SHLD1: variants seen among roughly 807,000 people sequenced by gnomAD.
SHLD1 encodes the protein shieldin complex subunit 1, also known as RINN1-REV7-interacting novel NHEJ regulator 3.
Under a neutral mutation model 5.5 loss-of-function variants are expected in SHLD1, and 3 were observed. The ratio of observed to expected loss-of-function variants is 0.54; its 90% CI spans 0.25 to 1.40. The LOEUF (loss-of-function observed/expected upper bound fraction) is 1.40. Among genes scored for constraint, SHLD1 ranks in the 40% most tolerant of loss-of-function variants. The pLI is 0.15. For missense variants in SHLD1, 210 were observed against 244.4 expected (o/e 0.86, Z 0.94); for synonymous variants, 92 against 94.3 (o/e 0.98, Z 0.14).
chr20:5,759,018 G>A (rs914766590), intron 1 of SHLD1, among the ~76,000 whole-genome samples: 40 of 143,120 alleles, frequency 2.8e-4, no homozygotes, highest in Non-Finnish European at 2.2e-4. Context: ...GCAATGGCGC[G>A]ATCTCTGCTC....
At chr20:5,858,137 C>G (rs2088114660) in intron 2 of SHLD1, among the ~76,000 whole-genome samples, 1 of 151,446 alleles carries the variant, frequency 6.6e-6, no homozygotes, top group East Asian at 1.9e-4. Flanking sequence ...TCTTTCAGCT[C>G]TGTAACCTCC....
At chr20:5,764,519 C>A (rs1443664295) in intron 1 of SHLD1, among the ~76,000 whole-genome samples, 2 of 113,002 alleles carry the variant, frequency 1.8e-5, no homozygotes, top group Non-Finnish European at 3.5e-5. Context: ...TATAGTGAGA[C>A]CTTGTCTCAA....
At chr20:5,755,662 C>T (rs182706292) in intron 1 of SHLD1, among the ~76,000 whole-genome samples, 15 of 152,032 alleles carry the variant, frequency 9.9e-5, no homozygotes, top group Admixed American at 2.6e-4. Flanking sequence ...CAGGTTCAAG[C>T]GGTTCTCCTG....
In SHLD1 at chr20:5,860,876, T is replaced by TAAAAA. The variant is rs10555301; in HGVS notation, c.179-2117_179-2113dup. Among the ~76,000 whole-genome samples the TAAAAA allele has an allele frequency of 7.4e-4, 75 of 100,768 alleles. 1 individual carries two copies. The highest frequency in any genetic ancestry group is 6.3e-3 in the Middle Eastern group (1 of 160). 66.1% of individuals were successfully genotyped at this position (100,768 alleles called of 152,430 possible). ...CAAGGAAAGTTTCTTTACTATTCTT[T>TAAAAA]AAAAAAAAAAAAAAAAAAAAAAAAA... On this transcript the variant is annotated intron_variant, in intron 2 of 2. Coordinates refer to ENST00000303142, the MANE Select transcript of SHLD1 (RefSeq NM_152504.4).
At chr20:5,803,695 C>T (rs1384231765) in intron 2 of SHLD1, among the ~76,000 whole-genome samples, 2 of 151,234 alleles carry the variant, frequency 1.3e-5, no homozygotes, top group East Asian at 2.0e-4. Flanking sequence ...ATGGTGAAAG[C>T]CCATCTCTAC....
At chr20:5,763,679 G>T (rs568929931) in intron 1 of SHLD1, among the ~76,000 whole-genome samples, 39 of 152,110 alleles carry the variant, frequency 2.6e-4, no homozygotes, top group Admixed American at 1.0e-3. Flanking sequence ...TTGGAAAAAG[G>T]CACAGACCAC....
chr20:5,849,221 G>C (rs1056269379), intron 2 of SHLD1, among the ~76,000 whole-genome samples: 1 of 152,182 alleles, frequency 6.6e-6, no homozygotes, highest in Non-Finnish European at 1.5e-5. Flanking sequence ...CTGGTGTTAC[G>C]ACGCAGCAGG....
intron 2 of SHLD1, among the ~76,000 whole-genome samples, chr20:5,828,068 C>T (rs2087687096): frequency 6.6e-6 from 1 of 152,208 alleles, no homozygotes; most frequent in Non-Finnish European, 1.5e-5. Flanking sequence ...AGAGTAGAGT[C>T]AGCATATTCA....
intron 1 of SHLD1, among the ~76,000 whole-genome samples, chr20:5,758,042 A>G (rs1984223694): frequency 6.6e-6 from 1 of 151,940 alleles, no homozygotes; most frequent in Admixed American, 6.6e-5. Context: ...AAATACCCTG[A>G]TGTCAGGGTA....
chr20:5,861,523 C>T (rs1034500130), intron 2 of SHLD1, among the ~76,000 whole-genome samples: 5 of 152,174 alleles, frequency 3.3e-5, no homozygotes, highest in Non-Finnish European at 5.9e-5. Flanking sequence ...TGTAGGCCTG[C>T]GTGTGACTCA....
chr20:5,813,854 A>G (rs2087491883), intron 2 of SHLD1, among the ~76,000 whole-genome samples: 1 of 151,980 alleles, frequency 6.6e-6, no homozygotes, highest in Admixed American at 6.6e-5. Context: ...CCATTTATAG[A>G]GCAAAAATGA....
chr20:5,839,134 C>A (rs1372278969), intron 2 of SHLD1, among the ~76,000 whole-genome samples: 1 of 152,164 alleles, frequency 6.6e-6, no homozygotes, highest in Non-Finnish European at 1.5e-5. Flanking sequence ...AATGACGTAC[C>A]TTTGTCATGT....
intron 2 of SHLD1, among the ~76,000 whole-genome samples, chr20:5,828,506 T>G (rs1274687426): frequency 4.7e-5 from 7 of 150,460 alleles, no homozygotes; most frequent in African/African-American, 1.7e-4. Flanking sequence ...TCTTGATGAC[T>G]CCATTCCCAC....
intron 2 of SHLD1, 176 bp downstream of exon 2, chr20:5,773,219 C>A (rs13043139): frequency 0.1 from 78,862 of 752,100 alleles, 4,985 homozygotes; most frequent in Admixed American, 0.15. Context: ...GGACAGCTTA[C>A]CTGGCACAGC....
chr20:5,803,449 A>G lies in SHLD1; in HGVS notation c.178+30406A>G, dbSNP rs370505385. ...CTCCCAAAGCATTGGGATTATAGGC[A>G]TGAGCCACCAAGCCCAGTCTGTAGA... On this transcript the variant is annotated intron_variant, in intron 2 of 2. Coordinates refer to ENST00000303142, the MANE Select transcript of SHLD1 (RefSeq NM_152504.4). Among the ~76,000 whole-genome samples, 21 of 152,322 alleles carry G rather than the reference A, an allele frequency of 1.4e-4. 2 individuals carry two copies. The highest frequency in any genetic ancestry group is 7.8e-4 in the Admixed American group (12 of 15,298).
At chr20:5,800,552 C>T (rs533532843) in intron 2 of SHLD1, among the ~76,000 whole-genome samples, 14 of 152,112 alleles carry the variant, frequency 9.2e-5, no homozygotes, top group South Asian at 4.2e-4. Flanking sequence ...TAGCTGGGCA[C>T]GGTGGCAGAC....
intron 2 of SHLD1, among the ~76,000 whole-genome samples, chr20:5,784,504 G>A (rs1009669626): frequency 5.9e-5 from 9 of 151,890 alleles, no homozygotes; most frequent in African/African-American, 2.2e-4. Context: ...AGGCTGGAGT[G>A]CAGTGGCGCG....
chr20:5,801,176 C>T (rs1764872607), intron 2 of SHLD1, among the ~76,000 whole-genome samples: 1 of 151,304 alleles, frequency 6.6e-6, no homozygotes, highest in South Asian at 2.1e-4. Flanking sequence ...CTCCCAGGTT[C>T]AAGCCATTCT....
chr20:5,825,655 G>A (rs960723897), intron 2 of SHLD1, among the ~76,000 whole-genome samples: 1 of 152,154 alleles, frequency 6.6e-6, no homozygotes, highest in East Asian at 1.9e-4. Context: ...TGGGAGGCTG[G>A]GCTTAAGCCC....
Sources: allele counts gnomAD v4.1 joint callset (sites outside exome capture counted in the v4.1 genomes callset), GRCh38; gene constraint gnomAD v4.1.1; transcripts MANE v1.5; gene names NCBI Gene and HGNC (gene_info 2026-07-23, HGNC 2026-07-21).